CBLB: variants seen among roughly 807,000 people sequenced by gnomAD.
The protein encoded by CBLB is Cbl proto-oncogene B, also known as E3 ubiquitin-protein ligase CBL-B.
Under a neutral mutation model 104.9 loss-of-function variants are expected in CBLB, and 31 were observed. The ratio of observed to expected loss-of-function variants is 0.30; its 90% confidence interval spans 0.22 to 0.40. CBLB has a LOEUF of 0.40. Among genes scored for constraint, CBLB ranks in the 10% least tolerant of loss-of-function variants. CBLB has a pLI of 1.00. For synonymous variants in CBLB, 440 were observed against 422.6 expected (o/e 1.04, Z -0.51); for missense variants, 1,062 against 1,214.6 (o/e 0.87, Z 1.87).
chr3:105,813,690 AT>A (rs1461969746), intron 3 of CBLB, among the ~76,000 whole-genome samples: 3 of 152,154 alleles, frequency 2.0e-5, no homozygotes, highest in African/African-American at 7.2e-5. Context: ...TTAGATATAT[AT>A]TTTTTGTGAT....
chr3:105,733,826 AAAGAT>A (rs2074605128), intron 9 of CBLB, among the ~76,000 whole-genome samples, 178 bp downstream of exon 9: 1 of 152,350 alleles, frequency 6.6e-6, no homozygotes, highest in East Asian at 1.9e-4. Context: ...TTATACATTT[AAAGAT>A]AAAATATAAG....
intron 3 of CBLB, among the ~76,000 whole-genome samples, chr3:105,836,244 T>A (rs2088473362): frequency 6.6e-6 from 1 of 152,150 alleles, no homozygotes; most frequent in Non-Finnish European, 1.5e-5. Flanking sequence ...AATCAAAAGA[T>A]CCTCTCAATG....
At chr3:105,683,836 G>A (rs2152733702) in intron 14 of CBLB, among the ~76,000 whole-genome samples, 1 of 152,126 alleles carries the variant, frequency 6.6e-6, no homozygotes, top group East Asian at 1.9e-4. Flanking sequence ...TTAGGTTCTT[G>A]CTTTTAAAAA....
intron 3 of CBLB, among the ~76,000 whole-genome samples, chr3:105,836,472 G>A (rs944198738): frequency 6.6e-6 from 1 of 151,984 alleles, no homozygotes; most frequent in Non-Finnish European, 1.5e-5. Flanking sequence ...ATTAGTCTGG[G>A]GACATACCAT....
At chr3:105,661,312 T>C (rs1213278844) in intron 18 of CBLB, among the ~76,000 whole-genome samples, 1 of 152,198 alleles carries the variant, frequency 6.6e-6, no homozygotes, top group Non-Finnish European at 1.5e-5. Flanking sequence ...TCTTAGTATG[T>C]TTTGTAGTTC....
rs1467797901 is a variant in CBLB, at chr3:105,656,142, T to C, written c.*2828A>G. 1 of 220,600 alleles carries C rather than the reference T, an allele frequency of 4.5e-6. No individual in the cohort carries two copies. Among genetic ancestry groups the C allele is most frequent in the East Asian group, 6.6e-5 (1 of 15,154 alleles). The allele number at this position is 220,600 out of a possible 1,614,324, so 13.7% of individuals were successfully genotyped here. A position where few individuals can be genotyped will look rare whatever the true frequency, so the allele number is the denominator to read the frequency against. On this transcript the variant is annotated 3_prime_UTR_variant, in exon 19 of 19. Transcript: ENST00000394030. ...ATACATTAGGGGATAAAACAGATTA[T>C]GGAGATAAATTTACTGGAATATAAT...
intron 3 of CBLB, among the ~76,000 whole-genome samples, chr3:105,807,568 A>C (rs1561921): frequency 0.02 from 3,065 of 152,298 alleles, 44 homozygotes; most frequent in Non-Finnish European, 0.029. Context: ...GGAAAAACAT[A>C]ATTTCATCAT....
In CBLB at chr3:105,658,072, G is replaced by A. The variant is rs2063462375; in HGVS notation, c.*898C>T. 2 of 215,480 alleles carry A rather than the reference G, an allele frequency of 9.3e-6. No homozygotes were observed. The highest frequency in any genetic ancestry group is 1.9e-4 in the South Asian group (1 of 5,368). 13.3% of individuals were successfully genotyped at this position (215,480 alleles called of 1,614,324 possible). ...TTCAGCATCCCTCAAAGTAATGCAGGCATAAGTATCAGGGGACCTTGTTAT... is the reference window on the plus strand; with the variant it reads ...TTCAGCATCCCTCAAAGTAATGCAGACATAAGTATCAGGGGACCTTGTTAT... On this transcript the variant is annotated 3_prime_UTR_variant, in exon 19 of 19. Transcript: ENST00000394030.
intron 8 of CBLB, among the ~76,000 whole-genome samples, chr3:105,734,468 G>T (rs1183815847): frequency 2.0e-5 from 3 of 151,922 alleles, no homozygotes; most frequent in Non-Finnish European, 4.4e-5. Flanking sequence ...TTTAAAATAG[G>T]AATATAAAAT....
intron 9 of CBLB, among the ~76,000 whole-genome samples, chr3:105,724,578 AG>A (rs534301105): frequency 3.2e-4 from 49 of 152,300 alleles, no homozygotes; most frequent in African/African-American, 9.9e-4. Context: ...TGGCATAATT[AG>A]TATAAAAATA....
At chr3:105,864,172 C>T (rs763328807) in intron 2 of CBLB, among the ~76,000 whole-genome samples, 2 of 152,166 alleles carry the variant, frequency 1.3e-5, no homozygotes, top group Admixed American at 6.5e-5. Flanking sequence ...ACTCTGTTCC[C>T]ACTGTACTTG....
chr3:105,784,765 A>G (rs1232557606), intron 3 of CBLB, among the ~76,000 whole-genome samples: 1 of 152,208 alleles, frequency 6.6e-6, no homozygotes, highest in Non-Finnish European at 1.5e-5. Context: ...TGACAAATCA[A>G]GGATGGCTTT....
Position 105,657,224 on chromosome 3 carries a change from A to T in CBLB, c.*1746T>A, listed in dbSNP as rs2063408092. 4.5e-6 allele frequency: 1 copy of T among 221,806 alleles called. No homozygotes were observed. Among genetic ancestry groups the T allele is most frequent in the Non-Finnish European group, 9.0e-6 (1 of 110,868 alleles). 13.7% of individuals were successfully genotyped at this position (221,806 alleles called of 1,614,324 possible). On this transcript the variant is annotated 3_prime_UTR_variant, in exon 19 of 19. Coordinates refer to ENST00000394030, the MANE Select transcript of CBLB (RefSeq NM_170662.5). ...ACTTAGTCTACGTGTCTTTTGTATAACATTAATTTCCACCAGATCTACTAG... is the reference window on the plus strand; with the variant it reads ...ACTTAGTCTACGTGTCTTTTGTATATCATTAATTTCCACCAGATCTACTAG...
At position 105,738,937 on chromosome 3, in the gene CBLB, T is replaced by C. The variant is rs541666244; in HGVS notation, c.983+1557A>G. On this transcript the variant is annotated intron_variant, in intron 7 of 18. Coordinates refer to ENST00000394030, the MANE Select transcript of CBLB (RefSeq NM_170662.5). ...ATTATTATTATTTTTTCAGATAAGG[T>C]CTCACTCTGATGCACAGGCTGGAGT... Among the ~76,000 whole-genome samples, 143 of 152,328 alleles carry C rather than the reference T, an allele frequency of 9.4e-4. 1 individual carries two copies. Among genetic ancestry groups the C allele is most frequent in the African/African-American group, 3.4e-3 (142 of 41,568 alleles).
chr3:105,816,582 A>G (rs1228764398), intron 3 of CBLB, among the ~76,000 whole-genome samples: 1 of 152,226 alleles, frequency 6.6e-6, no homozygotes, highest in African/African-American at 2.4e-5. Context: ...TAGTTTACAA[A>G]AAAAGAGAAG....
intron 3 of CBLB, among the ~76,000 whole-genome samples, chr3:105,802,866 T>C (rs140655579): frequency 9.5e-4 from 145 of 152,350 alleles, no homozygotes; most frequent in African/African-American, 1.9e-3. Context: ...ATGAATTAAA[T>C]AGTATTTTCT....
chr3:105,766,580 T>G (rs1201249785), intron 4 of CBLB, among the ~76,000 whole-genome samples: 2 of 152,214 alleles, frequency 1.3e-5, no homozygotes, highest in Non-Finnish European at 2.9e-5. Context: ...CTCCAGCAGC[T>G]AAAAGATTAC....
intron 17 of CBLB, among the ~76,000 whole-genome samples, chr3:105,676,080 G>A (rs1317107295): frequency 1.3e-5 from 2 of 151,140 alleles, no homozygotes; most frequent in Non-Finnish European, 2.9e-5. Flanking sequence ...AAAGTCAAGA[G>A]AGAGTCAACA....
At chr3:105,853,920 T>C (rs1167088457) in intron 2 of CBLB, among the ~76,000 whole-genome samples, 2 of 152,218 alleles carry the variant, frequency 1.3e-5, no homozygotes, top group Admixed American at 6.5e-5. Context: ...AGATACCTCA[T>C]TGTGCATAGC....
Sources: allele counts gnomAD v4.1 joint callset (sites outside exome capture counted in the v4.1 genomes callset), GRCh38; gene constraint gnomAD v4.1.1; transcripts MANE v1.5; gene names NCBI Gene and HGNC (gene_info 2026-07-23, HGNC 2026-07-21).